RASA3: variants seen among roughly 807,000 people sequenced by gnomAD.
RASA3 encodes ras GTPase-activating protein 3.
A neutral mutation model predicts 110.0 loss-of-function variants in RASA3; 73 were observed. The observed-to-expected ratio is 0.66, with a 90% confidence interval of 0.55 to 0.81. The LOEUF is 0.81. Ranked by LOEUF, RASA3 falls within the 30% of genes least tolerant of loss-of-function variation. The pLI, the probability that RASA3 is intolerant of heterozygous loss-of-function variation, is 0.00. For synonymous variants in RASA3, 500 were observed against 451.4 expected, an observed-to-expected ratio of 1.11 and a Z score of -1.37; for missense variants, 976 against 1,113.2, an observed-to-expected ratio of 0.88 and a Z score of 1.75.
intron 15 of RASA3, 79 bp downstream of exon 15, chr13:114,013,063 A>G: frequency 8.2e-7 from 1 of 1,224,936 alleles, no homozygotes; most frequent in Non-Finnish European, 1.1e-6. Context: ...TCGGCCCCCT[A>G]CAGCCACGCA....
chr13:114,042,464 G>C (rs558195168), intron 3 of RASA3, among the ~76,000 whole-genome samples: 7 of 152,272 alleles, frequency 4.6e-5, no homozygotes, highest in South Asian at 2.1e-4. Context: ...TCACGTCTTC[G>C]TTCTGCACCC....
At chr13:113,999,763 G>A (rs1373930141) in intron 19 of RASA3, 96 bp from the exon 20 acceptor site, 6 of 770,370 alleles carry the variant, frequency 7.8e-6, no homozygotes, top group Non-Finnish European at 1.2e-5. Context: ...GTCTCCCAGG[G>A]GGTCTTTACC....
chr13:114,128,163 T>A (rs981075463), intron 1 of RASA3, among the ~76,000 whole-genome samples: 1 of 152,250 alleles, frequency 6.6e-6, no homozygotes, highest in Admixed American at 6.5e-5. Flanking sequence ...CTAGGATCTC[T>A]GATGCCAAGG....
At chr13:114,113,647 G>A (rs1405933915) in intron 1 of RASA3, among the ~76,000 whole-genome samples, 7 of 132,882 alleles carry the variant, frequency 5.3e-5, no homozygotes, top group Admixed American at 2.3e-4. Context: ...AGCTCACACC[G>A]CGTCCATCAG....
At chr13:114,121,980 G>A (rs1489495081) in intron 1 of RASA3, among the ~76,000 whole-genome samples, 1 of 152,230 alleles carries the variant, frequency 6.6e-6, no homozygotes, top group Non-Finnish European at 1.5e-5. Context: ...AGGGCCCAGA[G>A]GCTCCTACCT....
chr13:114,011,091 G>A lies in RASA3; in HGVS notation c.1590+80C>T. On this transcript the variant is annotated intron_variant, in intron 16 of 23. Transcript: ENST00000334062. The surrounding 1 kb of genome is among the most constrained non-coding windows in gnomAD (Gnocchi z 4.8). ...TATCTTACGACTCTCTCAAATGTGG[G>A]AGGTTTTTCACGTGTATTTTCTGAA... The A allele has an allele frequency of 8.0e-7, 1 of 1,251,392 alleles. No homozygotes were observed. The highest frequency in any genetic ancestry group is 1.2e-6 in the Non-Finnish European group (1 of 865,924). 77.5% of individuals were successfully genotyped at this position (1,251,392 alleles called of 1,614,324 possible).
chr13:114,000,784 C>A, intron 19 of RASA3, 42 bp downstream of exon 19: 1 of 1,409,610 alleles, frequency 7.1e-7, no homozygotes, highest in Non-Finnish European at 1.0e-6. Flanking sequence ...CAGGGCCCAG[C>A]ACGCTCCAGC....
chr13:113,996,778 T>C, intron 20 of RASA3, 39 bp from the exon 21 acceptor site: 7 of 1,571,290 alleles, frequency 4.5e-6, no homozygotes, highest in Non-Finnish European at 6.1e-6. Context: ...GCACATGAGG[T>C]CTCGTGGCTG....
At chr13:114,045,524 G>A (rs9525214) in intron 3 of RASA3, among the ~76,000 whole-genome samples, 20,604 of 152,100 alleles carry the variant, frequency 0.14, 1,779 homozygotes, top group Middle Eastern at 0.21. Flanking sequence ...TGAAATGCGC[G>A]CGCCTCCCTC....
rs181745313 is a variant in RASA3 at position 114,042,939 on chromosome 13, G to A, written c.278-1845C>T. On this transcript the variant is annotated intron_variant, in intron 3 of 23. Coordinates refer to ENST00000334062, the MANE Select transcript of RASA3 (RefSeq NM_007368.4). The stretch of plus-strand genomic sequence containing the variant: ...GGGGCTGCAGGGAGAGGGAGCTTCC[G>A]TCCCTGCCTTCCTGCCAGCGTTCCT... Among the ~76,000 whole-genome samples the A allele has an allele frequency of 7.2e-5, 11 of 152,328 alleles. No homozygotes were observed. In the East Asian group the frequency reaches 1.7e-3, roughly 24 times the overall value.
intron 2 of RASA3, 119 bp downstream of exon 2, chr13:114,073,601 C>T (rs142862853): frequency 7.1e-5 from 59 of 830,598 alleles, no homozygotes; most frequent in African/African-American, 4.4e-4. Context: ...GGGATGGTGA[C>T]GTACACGCTC....
chr13:114,050,990 G>A (rs563573660), intron 3 of RASA3, among the ~76,000 whole-genome samples: 1 of 152,348 alleles, frequency 6.6e-6, no homozygotes, highest in African/African-American at 2.4e-5. Context: ...GGGGAAAGGG[G>A]GCAGCCGGCG....
At chr13:113,992,345 G>A (rs904417343) in intron 22 of RASA3, 140 bp downstream of exon 22, 20 of 598,474 alleles carry the variant, frequency 3.3e-5, no homozygotes, top group South Asian at 1.2e-4. Flanking sequence ...GCATCCATCC[G>A]TGCTACAAAG....
intron 2 of RASA3, among the ~76,000 whole-genome samples, chr13:114,054,415 CG>C (rs2079202772): frequency 6.7e-6 from 1 of 149,492 alleles, no homozygotes; most frequent in Non-Finnish European, 1.5e-5. Flanking sequence ...AAACCTGGGG[CG>C]GGCGACTGTT....
chr13:114,071,833 T>C (rs1254680670), intron 2 of RASA3, among the ~76,000 whole-genome samples: 1 of 152,180 alleles, frequency 6.6e-6, no homozygotes, highest in Non-Finnish European at 1.5e-5. Flanking sequence ...AGTTTTCTAG[T>C]AAGTAAACTC....
rs372125411 is a variant in RASA3, at chr13:114,010,538, G to A, written c.1590+633C>T. Among the ~76,000 whole-genome samples the A allele has an allele frequency of 6.6e-5, 10 of 151,050 alleles. No homozygotes were observed. The South Asian group carries it at 8.5e-4, about 13-fold the overall frequency. ...AGATCCAGTCTGAAGGGACGAGGATGGAGGACGGAGGTTCATATCCACAGG... is the reference window on the plus strand; with the variant it reads ...AGATCCAGTCTGAAGGGACGAGGATAGAGGACGGAGGTTCATATCCACAGG... On this transcript the variant is annotated intron_variant, in intron 16 of 23. Coordinates refer to ENST00000334062, the MANE Select transcript of RASA3 (RefSeq NM_007368.4).
At chr13:114,030,136 G>A (rs908083183) in intron 4 of RASA3, among the ~76,000 whole-genome samples, 2 of 152,240 alleles carry the variant, frequency 1.3e-5, no homozygotes, top group Non-Finnish European at 2.9e-5. Flanking sequence ...GCTCTGCTGA[G>A]AGCAGGTCGC....
In RASA3 at chr13:114,027,400, A is replaced by C. The variant is rs2054045903; in HGVS notation, c.592T>G (p.Phe198Val). The C allele has an allele frequency of 6.2e-7, 1 of 1,611,760 alleles. No homozygotes were observed. The highest frequency in any genetic ancestry group is 1.7e-5 in the Admixed American group (1 of 60,004). Reference sequence around the variant, plus strand: ...ATGAAGATACCAACCTCAAAATAAAACACTTCATCGAACTGGGGATTGTTG... The same window carrying C: ...ATGAAGATACCAACCTCAAAATAAACCACTTCATCGAACTGGGGATTGTTG... ...KTNNPQFDEV[F>V]YFEVTRPCSY... is the part of the protein sequence containing the mutation. Residue 198 changes from phenylalanine (F) to valine (V), a missense_variant, in exon 7 of 24, where the codon TTT becomes GTT. Phe to Val is a conservative substitution (Grantham distance 50, BLOSUM62 -1). Transcript: ENST00000334062.
At chr13:114,052,277 G>A (rs756580513) in intron 2 of RASA3, 122 bp from the exon 3 acceptor site, 8 of 633,714 alleles carry the variant, frequency 1.3e-5, no homozygotes, top group Non-Finnish European at 2.2e-5. Context: ...TGTGTGGCAC[G>A]CATGAGACAT....
Sources: allele counts gnomAD v4.1 joint callset (sites outside exome capture counted in the v4.1 genomes callset), GRCh38; gene constraint gnomAD v4.1.1; non-coding constraint Gnocchi (gnomAD v3.1); transcripts MANE v1.5; gene names NCBI Gene and HGNC (gene_info 2026-07-23, HGNC 2026-07-21).